FSTL4: variants seen among roughly 807,000 people sequenced by gnomAD.
FSTL4 encodes follistatin like 4.
FSTL4 carries 28 observed loss-of-function variants against 78.2 expected under a neutral mutation model. The observed-to-expected ratio is 0.36, with a 90% CI of 0.27 to 0.49. FSTL4 has a LOEUF of 0.49. Ranked by LOEUF, FSTL4 falls within the 20% of genes least tolerant of loss-of-function variation. FSTL4 has a pLI of 0.98. For synonymous variants in FSTL4, 422 were observed against 440.5 expected, an observed-to-expected ratio of 0.96 and a Z score of 0.53; for missense variants, 922 against 1,084.9, an observed-to-expected ratio of 0.85 and a Z score of 2.11.
chr5:133,223,725 A>C (rs747680028), intron 11 of FSTL4, among the ~76,000 whole-genome samples: 17 of 152,254 alleles, frequency 1.1e-4, no homozygotes, highest in Non-Finnish European at 2.1e-4. Context: ...AAACATCTAT[A>C]CATTTAAAAA....
chr5:133,543,579 TTG>T (rs1561463537), intron 3 of FSTL4, among the ~76,000 whole-genome samples: 1 of 152,210 alleles, frequency 6.6e-6, no homozygotes, highest in African/African-American at 2.4e-5. Context: ...CTCTATTATA[TTG>T]TGTTTCACTT....
At chr5:133,652,707 T>C in the FSTL4 span, among the ~76,000 whole-genome samples, 2 of 152,234 alleles carry the variant, frequency 1.3e-5, no homozygotes, top group Non-Finnish European at 2.9e-5. Context: ...ACATTCCACA[T>C]GAACTTGAGA....
At chr5:133,289,752 C>T (rs983383158) in intron 6 of FSTL4, among the ~76,000 whole-genome samples, 1 of 152,228 alleles carries the variant, frequency 6.6e-6, no homozygotes, top group Non-Finnish European at 1.5e-5. Flanking sequence ...AAGACCAGCA[C>T]CAAGCCCTTA....
In FSTL4 at chr5:133,316,467, G is replaced by C. The variant is rs141865914; in HGVS notation, c.595C>G (p.Leu199Val). The C allele has an allele frequency of 2.3e-5, 37 of 1,613,426 alleles. No homozygotes were observed. In the African/African-American group the frequency reaches 4.7e-4, roughly 20 times the overall value. The change falls in exon 5 of 16, where the codon CTG (leucine) becomes GTG (valine). Residue 199 changes from leucine (L) to valine (V), a missense_variant. Physicochemically the swap from Leu to Val is conservative, Grantham distance 32. Coordinates refer to ENST00000265342, the MANE Select transcript of FSTL4 (RefSeq NM_015082.2). ...DGNGHLSSSE[L>V]AQHVLKKQDL... ...CTGAACACGATGCCCACCTGAGCCA[G>C]TTCGGAGCTGCTGAGGTGGCCATTG...
chr5:133,680,914 G>T, the FSTL4 span, among the ~76,000 whole-genome samples: 3 of 115,498 alleles, frequency 2.6e-5, no homozygotes, highest in African/African-American at 7.8e-5. Flanking sequence ...TCTAGGTGAT[G>T]CAGCTCATCA....
chr5:133,631,820 A>G, the FSTL4 span, among the ~76,000 whole-genome samples: 1 of 152,228 alleles, frequency 6.6e-6, no homozygotes, highest in Non-Finnish European at 1.5e-5. Context: ...ATGCAGCCAT[A>G]AAAAAGGATG....
the FSTL4 span, among the ~76,000 whole-genome samples, chr5:133,738,146 A>C: frequency 6.6e-6 from 1 of 152,100 alleles, no homozygotes; most frequent in Non-Finnish European, 1.5e-5. Flanking sequence ...AGATGTAAAG[A>C]ATCGCTGGAC....
At chr5:133,269,916 C>A (rs957286495) in intron 6 of FSTL4, 1 of 152,216 alleles carries the variant, frequency 6.6e-6, no homozygotes, top group East Asian at 1.9e-4. Context: ...CTATCCAGTT[C>A]CGATGGAAGC....
chr5:133,685,021 C>T, the FSTL4 span, among the ~76,000 whole-genome samples: 4 of 152,214 alleles, frequency 2.6e-5, no homozygotes, highest in African/African-American at 9.6e-5. Context: ...ATAAATTCTT[C>T]TCTAGCAAAT....
chr5:133,447,202 A>G (rs1189071849), intron 3 of FSTL4, among the ~76,000 whole-genome samples: 1 of 152,230 alleles, frequency 6.6e-6, no homozygotes, highest in African/African-American at 2.4e-5. Flanking sequence ...CCTGTGTGAC[A>G]GCCGGGGAAG....
the FSTL4 span, among the ~76,000 whole-genome samples, chr5:133,779,220 G>A: frequency 1.7e-4 from 26 of 152,114 alleles, no homozygotes; most frequent in African/African-American, 6.3e-4. Flanking sequence ...GGTGACTCCC[G>A]CAGCCTCCTT....
At chr5:133,627,372 C>T in the FSTL4 span, among the ~76,000 whole-genome samples, 1 of 152,066 alleles carries the variant, frequency 6.6e-6, no homozygotes, top group African/African-American at 2.4e-5. Context: ...AAAGGGGTTT[C>T]CCCTTATAAA....
intron 4 of FSTL4, among the ~76,000 whole-genome samples, chr5:133,323,415 T>C (rs1374009932): frequency 1.3e-5 from 2 of 152,208 alleles, no homozygotes; most frequent in African/African-American, 2.4e-5. Flanking sequence ...GGGGTATGGC[T>C]CATTTGTCTT....
the FSTL4 span, among the ~76,000 whole-genome samples, chr5:133,795,686 G>A: frequency 3.3e-5 from 5 of 152,214 alleles, no homozygotes; most frequent in Admixed American, 6.5e-5. Flanking sequence ...AGACTCTACC[G>A]CCATAAGGCC....
chr5:133,670,756 G>A, the FSTL4 span, among the ~76,000 whole-genome samples: 1 of 152,214 alleles, frequency 6.6e-6, no homozygotes, highest in Non-Finnish European at 1.5e-5. Context: ...TGAATGTTAA[G>A]CATTAGGCCA....
the FSTL4 span, among the ~76,000 whole-genome samples, chr5:133,644,890 A>G: frequency 2.0e-5 from 3 of 152,042 alleles, no homozygotes; most frequent in Non-Finnish European, 4.4e-5. Context: ...CAGATTGGGT[A>G]TTACTTCATT....
intron 3 of FSTL4, among the ~76,000 whole-genome samples, chr5:133,425,999 G>A (rs1011166): frequency 0.046 from 6,949 of 152,252 alleles, 269 homozygotes; most frequent in Admixed American, 0.13. Context: ...CTAAGTGCTG[G>A]GGACCCCCCC....
chr5:133,391,478 C>T (rs1032653887), intron 4 of FSTL4, among the ~76,000 whole-genome samples: 1 of 152,178 alleles, frequency 6.6e-6, no homozygotes, highest in Non-Finnish European at 1.5e-5. Flanking sequence ...CCATGTCACT[C>T]CCTCCCCTCA....
At chr5:133,583,327 T>C (rs1344821809) in intron 2 of FSTL4, 2 of 267,414 alleles carry the variant, frequency 7.5e-6, no homozygotes, top group African/African-American at 2.8e-5. Flanking sequence ...AGCTCCGGTC[T>C]ACAGCTCCCA....
Sources: allele counts gnomAD v4.1 joint callset (sites outside exome capture counted in the v4.1 genomes callset), GRCh38; gene constraint gnomAD v4.1.1; transcripts MANE v1.5; gene names NCBI Gene and HGNC (gene_info 2026-07-23, HGNC 2026-07-21).